The following KAZN variants were observed in gnomAD, a reference collection of about 807,000 sequenced individuals.
KAZN encodes kazrin, periplakin interacting protein, also known as kazrin.
A neutral mutation model predicts 87.4 loss-of-function variants in KAZN; 40 were observed. That is an observed-to-expected ratio of 0.46 (90% CI 0.36 to 0.60). The LOEUF is 0.60. Ranked by LOEUF, KAZN falls within the 20% of genes least tolerant of loss-of-function variation. The pLI, the probability that KAZN is intolerant of heterozygous loss-of-function variation, is 0.00. For missense variants in KAZN, 898 were observed against 1,073.9 expected, an observed-to-expected ratio of 0.84 and a Z score of 2.29; for synonymous variants, 466 against 458.3, an observed-to-expected ratio of 1.02 and a Z score of -0.22.
chr1:15,109,485 A>G (rs1040455710), intron 13 of KAZN, among the ~76,000 whole-genome samples: 4 of 152,076 alleles, frequency 2.6e-5, no homozygotes, highest in African/African-American at 9.7e-5. Flanking sequence ...CTGAGCAGGA[A>G]CTCCAACCAC....
At chr1:13,936,263 AT>A (rs796672000) in intron 1 of KAZN, among the ~76,000 whole-genome samples, 15 of 146,430 alleles carry the variant, frequency 1.0e-4, no homozygotes, top group Admixed American at 1.4e-4. Flanking sequence ...TGCCTGGCTA[AT>A]TTTTTTTTTG....
intron 1 of KAZN, among the ~76,000 whole-genome samples, chr1:13,942,288 C>T (rs992831047): frequency 1.3e-5 from 2 of 151,946 alleles, no homozygotes; most frequent in Admixed American, 1.3e-4. Context: ...CGCCTGTAAT[C>T]CCAGCACTTT....
chr1:14,389,760 A>G (rs1662259395), intron 2 of KAZN, among the ~76,000 whole-genome samples: 1 of 152,224 alleles, frequency 6.6e-6, no homozygotes, highest in Non-Finnish European at 1.5e-5. Flanking sequence ...TAATGGGTAC[A>G]AAAAGAATAG....
chr1:14,931,586 A>G (rs1659829578), intron 1 of KAZN, among the ~76,000 whole-genome samples: 1 of 152,018 alleles, frequency 6.6e-6, no homozygotes, highest in Non-Finnish European at 1.5e-5. Flanking sequence ...GGTGCTTGCT[A>G]AGGTATAGAT....
At chr1:15,065,885 C>A (rs936382512) in intron 8 of KAZN, 132 bp downstream of exon 8, 1 of 1,504,972 alleles carries the variant, frequency 6.6e-7, no homozygotes, top group South Asian at 1.3e-5. Context: ...TGTGGCCGTG[C>A]GTGGGGTGCG....
intron 2 of KAZN, chr1:14,304,790 T>C (rs1441063776): frequency 7.6e-6 from 3 of 395,392 alleles, no homozygotes; most frequent in Admixed American, 4.4e-5. Context: ...TTTTGCATTT[T>C]CCGTTCATTC....
intron 2 of KAZN, among the ~76,000 whole-genome samples, chr1:14,195,706 T>G (rs750247584): frequency 3.3e-5 from 5 of 152,156 alleles, no homozygotes; most frequent in Non-Finnish European, 7.3e-5. Context: ...AAGAAAATGT[T>G]GCATCTGAAA....
At chr1:14,180,430 C>G in intron 1 of KAZN, 5 of 1,545,746 alleles carry the variant, frequency 3.2e-6, no homozygotes, top group Non-Finnish European at 4.4e-6. Context: ...TTTTTCTTTC[C>G]ACAGCTGTGC....
rs72644411 is a variant in KAZN, at chr1:14,211,651, T to G, written c.249+31059T>G. Among the ~76,000 whole-genome samples, 728 of 152,240 alleles carry G rather than the reference T, an allele frequency of 4.8e-3. 3 individuals are homozygous for G. The highest frequency in any genetic ancestry group is 6.7e-3 in the Non-Finnish European group (453 of 68,004). ...CTTGTATGGGCTTGAGAGAGCTGAT[T>G]AATTGAATGTTCCAGGATTTGACCT... On this transcript the variant is annotated intron_variant, in intron 2 of 16. Transcript: ENST00000636203.
chr1:14,577,429 A>T (rs545999375), intron 2 of KAZN, among the ~76,000 whole-genome samples: 8 of 152,322 alleles, frequency 5.3e-5, no homozygotes, highest in African/African-American at 1.9e-4. Flanking sequence ...TCAGCTTGGA[A>T]ATGTGCCACT....
At chr1:14,256,849 A>G (rs962095015) in intron 2 of KAZN, among the ~76,000 whole-genome samples, 10 of 152,126 alleles carry the variant, frequency 6.6e-5, no homozygotes, top group African/African-American at 9.7e-5. Context: ...ACTCATGCCT[A>G]TTGTGAATTT....
chr1:13,957,756 AC>A (rs981271531), intron 1 of KAZN, among the ~76,000 whole-genome samples: 2 of 152,112 alleles, frequency 1.3e-5, no homozygotes, highest in African/African-American at 4.8e-5. Context: ...GTGAGAACTC[AC>A]GCTCTGGGGG....
At chr1:15,032,090 C>T (rs959580490) in intron 2 of KAZN, among the ~76,000 whole-genome samples, 4 of 151,968 alleles carry the variant, frequency 2.6e-5, no homozygotes, top group African/African-American at 9.7e-5. Context: ...TTAGCTACCA[C>T]CCCTCCCTCC....
chr1:14,330,243 C>G (rs1047806726), intron 2 of KAZN, among the ~76,000 whole-genome samples: 2 of 152,186 alleles, frequency 1.3e-5, no homozygotes, highest in African/African-American at 4.8e-5. Flanking sequence ...ATCCATCTTA[C>G]TGTGGAAGAG....
intron 1 of KAZN, among the ~76,000 whole-genome samples, chr1:14,944,056 A>G (rs765775175): frequency 2.0e-4 from 31 of 152,272 alleles, no homozygotes; most frequent in Admixed American, 5.9e-4. Context: ...CCTGGGTGAC[A>G]GAAAGAGACT....
chr1:14,899,559 T>C (rs2807555), intron 1 of KAZN, among the ~76,000 whole-genome samples: 133,260 of 152,218 alleles, frequency 0.88, 59,231 homozygotes, highest in Middle Eastern at 0.95. Flanking sequence ...TGTCTGCATA[T>C]CTGACTTCCT....
At chr1:13,967,453 G>A (rs1176951843) in intron 1 of KAZN, among the ~76,000 whole-genome samples, 1 of 152,192 alleles carries the variant, frequency 6.6e-6, no homozygotes, top group African/African-American at 2.4e-5. Context: ...AATCAGTGGT[G>A]GCCAGCATCC....
chr1:15,068,275 A>T, intron 8 of KAZN: 3 of 173,056 alleles, frequency 1.7e-5, no homozygotes, highest in Non-Finnish European at 3.4e-5. Context: ...GGGAGGGGGG[A>T]TGGGAGGGGC....
At chr1:15,090,766 C>CA (rs1431296653) in intron 8 of KAZN, among the ~76,000 whole-genome samples, 2 of 152,364 alleles carry the variant, frequency 1.3e-5, no homozygotes, top group Middle Eastern at 6.8e-3. Flanking sequence ...GACAGCCCGT[C>CA]ACACTCACCC....
Sources: allele counts gnomAD v4.1 joint callset (sites outside exome capture counted in the v4.1 genomes callset), GRCh38; gene constraint gnomAD v4.1.1; transcripts MANE v1.5; gene names NCBI Gene and HGNC (gene_info 2026-07-23, HGNC 2026-07-21).